The following RBM20 variants were observed in gnomAD, a reference collection of about 807,000 sequenced individuals.
RBM20 encodes RNA binding motif protein 20, also known as RNA-binding protein 20.
RBM20 carries 51 observed loss-of-function variants against 110.1 expected under a neutral mutation model. The ratio of observed to expected loss-of-function variants is 0.46; its 90% CI spans 0.37 to 0.59. The LOEUF (loss-of-function observed/expected upper bound fraction) is 0.59. Among genes scored for constraint, RBM20 ranks in the 20% least tolerant of loss-of-function variants. The pLI is 0.00. For synonymous variants in RBM20, 589 were observed against 618.2 expected, an observed-to-expected ratio of 0.95 and a Z score of 0.70; for missense variants, 1,512 against 1,574.9, an observed-to-expected ratio of 0.96 and a Z score of 0.68.
intron 1 of RBM20, among the ~76,000 whole-genome samples, chr10:110,711,249 G>C (rs962131281): frequency 5.8e-5 from 8 of 138,154 alleles, no homozygotes; most frequent in Non-Finnish European, 1.2e-4. Flanking sequence ...AGAATTGCTT[G>C]AACCTGGGAG....
At position 110,784,879 on chromosome 10, in the gene RBM20, T is replaced by C. The variant is rs1590677685; in HGVS notation, c.1517T>C (p.Val506Ala). 5 of 1,528,368 alleles carry C rather than the reference T, an allele frequency of 3.3e-6. No homozygotes were observed. The highest frequency in any genetic ancestry group is 2.8e-5 in the African/African-American group (2 of 72,484). The allele number at this position is 1,528,368 out of a possible 1,614,324, so 94.7% of individuals were successfully genotyped here. The part of the protein sequence containing the change: ...QSSPTFPLAS[V>A]GTTFAQRKGA... ...AGCCCCACATTTCCTTTGGCTTCTG[T>C]GGGGACAACTGTGAGTACGGAAACA... is the stretch of plus-strand genomic sequence containing the variant. The change falls in exon 5 of 14, where the codon GTG becomes GCG. Residue 506 changes from valine to alanine, a missense_variant. Coordinates refer to ENST00000369519, the MANE Select transcript of RBM20 (RefSeq NM_001134363.3).
intron 1 of RBM20, among the ~76,000 whole-genome samples, chr10:110,673,594 C>T (rs1324130273): frequency 6.6e-6 from 1 of 152,206 alleles, no homozygotes; most frequent in African/African-American, 2.4e-5. Context: ...GCCTCACCAG[C>T]ACCAGGAATT....
intron 9 of RBM20, among the ~76,000 whole-genome samples, chr10:110,815,144 T>C (rs1229954999): frequency 6.6e-6 from 1 of 152,166 alleles, no homozygotes; most frequent in Non-Finnish European, 1.5e-5. Flanking sequence ...GCAGAGACAA[T>C]TCATGTGCAT....
intron 1 of RBM20, among the ~76,000 whole-genome samples, chr10:110,687,042 GAA>G (rs566369908): frequency 2.6e-5 from 3 of 114,958 alleles, no homozygotes; most frequent in Non-Finnish European, 3.7e-5. Context: ...GTCTCAAAAA[GAA>G]AAAAAAAAAA....
intron 12 of RBM20, among the ~76,000 whole-genome samples, chr10:110,830,232 G>A (rs975471614): frequency 3.3e-5 from 5 of 152,174 alleles, no homozygotes; most frequent in African/African-American, 4.8e-5. Context: ...AAACACCTTC[G>A]TGGAGGCTGG....
intron 7 of RBM20, among the ~76,000 whole-genome samples, chr10:110,802,372 G>A (rs1480605555): frequency 7.1e-6 from 1 of 139,924 alleles, no homozygotes; most frequent in East Asian, 2.0e-4. Flanking sequence ...TCTCCTTCAG[G>A]CAGAACCTGG....
chr10:110,693,125 T>G (rs1862612336), intron 1 of RBM20, among the ~76,000 whole-genome samples: 1 of 152,176 alleles, frequency 6.6e-6, no homozygotes, highest in Non-Finnish European at 1.5e-5. Flanking sequence ...TTGGTCATAG[T>G]GTATAATTCT....
intron 1 of RBM20, among the ~76,000 whole-genome samples, chr10:110,729,459 C>T (rs147963828): frequency 6.6e-6 from 1 of 152,120 alleles, no homozygotes; most frequent in Non-Finnish European, 1.5e-5. Flanking sequence ...TTACCCTTTC[C>T]TTTGATGCAT....
chr10:110,718,608 C>CTTTTTTTTTTTTTTTTTTTTTTTTT (rs61629487), intron 1 of RBM20, among the ~76,000 whole-genome samples: 2 of 101,548 alleles, frequency 2.0e-5, no homozygotes, highest in African/African-American at 3.8e-5. Flanking sequence ...CTACTCCATT[C>CTTTTTTTTTTTTTTTTTTTTTTTTT]TTTTTTTTTT....
chr10:110,755,734 A>G (rs1017138159), intron 1 of RBM20, among the ~76,000 whole-genome samples: 1 of 152,220 alleles, frequency 6.6e-6, no homozygotes, highest in Non-Finnish European at 1.5e-5. Context: ...CTGGTTGCAC[A>G]TTAACACTGG....
At chr10:110,656,642 C>G (rs1162126774) in intron 1 of RBM20, among the ~76,000 whole-genome samples, 2 of 152,234 alleles carry the variant, frequency 1.3e-5, no homozygotes, top group Admixed American at 6.5e-5. Flanking sequence ...CCACCTCTCC[C>G]CAGTCCCTGG....
intron 1 of RBM20, among the ~76,000 whole-genome samples, chr10:110,741,413 C>A (rs1274225487): frequency 1.3e-5 from 2 of 152,294 alleles, no homozygotes; most frequent in East Asian, 3.9e-4. Context: ...TATCTTCTGG[C>A]ACCAACAACT....
intron 10 of RBM20, among the ~76,000 whole-genome samples, chr10:110,820,976 T>C (rs1467532528): frequency 1.3e-5 from 2 of 152,218 alleles, no homozygotes; most frequent in Non-Finnish European, 2.9e-5. Context: ...AGTTTATAAC[T>C]TCATTATTCA....
chr10:110,816,630 G>A (rs1462306285), intron 9 of RBM20, among the ~76,000 whole-genome samples: 2 of 151,898 alleles, frequency 1.3e-5, no homozygotes, highest in Non-Finnish European at 2.9e-5. Context: ...AGTGTCTATT[G>A]TCACCCCCAG....
chr10:110,696,606 AC>A (rs1427812689), intron 1 of RBM20, among the ~76,000 whole-genome samples: 1 of 152,172 alleles, frequency 6.6e-6, no homozygotes, highest in East Asian at 1.9e-4. Context: ...ATCTAGGAGC[AC>A]CCAGATGGGC....
In RBM20 at chr10:110,831,157, G is replaced by A; in HGVS notation, c.3548G>A (p.Ser1183Asn). The A allele has an allele frequency of 6.4e-7, 1 of 1,551,618 alleles. No individual in the cohort carries two copies. The highest frequency in any genetic ancestry group is 8.7e-7 in the Non-Finnish European group (1 of 1,146,930). Reference protein sequence around the residue: ...EETAKMSHCRSAVHYRNLQKY... With the variant: ...EETAKMSHCRNAVHYRNLQKY... ...ACAGCAAAGATGAGCCACTGCCGCA[G>A]CGCTGTCCACTACAGGAACTTACAG... The change falls in exon 13 of 14, where the codon AGC (serine) becomes AAC (asparagine). Residue 1183 changes from serine to asparagine, a missense_variant. Physicochemically the swap from Ser to Asn is conservative, Grantham distance 46 (BLOSUM62 1). Around this residue, in one of 3 missense-constraint regions of RBM20, gnomAD observed 358 missense variants for 384.2 expected, o/e 0.93. Transcript: ENST00000369519.
intron 8 of RBM20, 87 bp from the exon 9 acceptor site, chr10:110,812,191 C>T (rs764495185): frequency 1.4e-4 from 173 of 1,201,890 alleles, no homozygotes; most frequent in Non-Finnish European, 1.8e-4. Flanking sequence ...CACAGTATAT[C>T]TAAGACAGAG....
intron 1 of RBM20, among the ~76,000 whole-genome samples, chr10:110,663,468 T>A (rs778156041): frequency 6.6e-6 from 1 of 152,220 alleles, no homozygotes; most frequent in Non-Finnish European, 1.5e-5. Flanking sequence ...GAAATATACA[T>A]GTACTTGCTT....
At chr10:110,767,465 G>A (rs1434137829) in intron 1 of RBM20, among the ~76,000 whole-genome samples, 1 of 149,540 alleles carries the variant, frequency 6.7e-6, no homozygotes, top group African/African-American at 2.5e-5. Flanking sequence ...GGTGGCTGCC[G>A]GGCGGAGGGG....
Sources: allele counts gnomAD v4.1 joint callset (sites outside exome capture counted in the v4.1 genomes callset), GRCh38; gene constraint gnomAD v4.1.1; regional missense constraint gnomAD v4.1.1; transcripts MANE v1.5; gene names NCBI Gene and HGNC (gene_info 2026-07-23, HGNC 2026-07-21).